The following SEMA4G variants were observed in gnomAD, a reference collection of about 807,000 sequenced individuals.
The protein encoded by SEMA4G is semaphorin-4G.
A neutral mutation model predicts 81.2 loss-of-function variants in SEMA4G; 59 were observed. The ratio of observed to expected loss-of-function variants is 0.73; its 90% confidence interval spans 0.59 to 0.90. SEMA4G has a LOEUF of 0.90. Among genes scored for constraint, SEMA4G ranks in the 40% least tolerant of loss-of-function variants. The pLI is 0.00. For synonymous variants in SEMA4G, 404 were observed against 433.9 expected (o/e 0.93, Z 0.86); for missense variants, 952 against 1,102.3 (o/e 0.86, Z 1.93).
At position 100,981,202 on chromosome 10, in the gene SEMA4G, C is replaced by T. The variant is rs1851053925; in HGVS notation, c.1663C>T (p.Arg555Ter). 2 of 1,614,080 alleles carry T rather than the reference C, an allele frequency of 1.2e-6. No homozygotes were observed. The highest frequency in any genetic ancestry group is 1.3e-5 in the African/African-American group (1 of 74,938). Residue 555 changes from arginine to a stop codon, truncating the protein, a stop_gained, in exon 13 of 14, where the codon CGA becomes TGA. Transcript: ENST00000370250. LOFTEE classifies it high-confidence loss of function. ...GATACAGGACATAGAGAGAGGAAAT[C>T]GAGGCTGTGAGAGCAGCAGGGATAC...
At chr10:100,983,702 C>G in exon 14 of SEMA4G, 1 of 1,613,476 alleles carries the variant, frequency 6.2e-7, no homozygotes, top group Non-Finnish European at 8.5e-7. Context: ...CCTCCCTCCT[C>G]TATGTGGCCT....
rs371117716 is a variant in SEMA4G at position 100,973,500 on chromosome 10, T to C, written c.274-47T>C. 9.0e-5 allele frequency: 143 copies of C among 1,584,086 alleles called. No homozygotes were observed. Among genetic ancestry groups the C allele is most frequent in the Non-Finnish European group, 1.2e-4 (136 of 1,153,774 alleles). The stretch of plus-strand genomic sequence containing the variant: ...TCCTATTGCCTGGTCCTATGAGTAA[T>C]AGGTATTGGGGTCAGTGCATCAGCC... On this transcript the variant is annotated intron_variant, in intron 2 of 13. Coordinates refer to ENST00000370250, the Ensembl canonical transcript of SEMA4G. This position sits in a 1 kb window ranked among gnomAD's most constrained non-coding sequence, Gnocchi z 5.5.
upstream of SEMA4G, chr10:100,969,623 T>C (rs990380659): frequency 2.3e-5 from 7 of 308,588 alleles, no homozygotes; most frequent in South Asian, 1.4e-4. Context: ...GGCGGCGCCC[T>C]GGCGTGAGCC....
At chr10:100,979,457 A>G in intron 8 of SEMA4G, 186 bp downstream of exon 9, 2 of 1,450,290 alleles carry the variant, frequency 1.4e-6, no homozygotes, top group Admixed American at 4.6e-5. Flanking sequence ...ATCTCGGCTC[A>G]CTGCAATCTC....
chr10:100,979,827 T>A lies in SEMA4G; in HGVS notation c.984-21T>A. ...CTTGACTCCATGTAACTCACCCCCC[T>A]TGCCCTATGTCCCATTCTAGGAAGA... On this transcript the variant is annotated intron_variant, in intron 8 of 13. Coordinates refer to ENST00000370250, the Ensembl canonical transcript of SEMA4G. 5 of 1,611,884 alleles carry A rather than the reference T, an allele frequency of 3.1e-6. No individual in the cohort carries two copies. The African/African-American group carries it at 4.0e-5, about 13-fold the overall frequency.
At chr10:100,977,024 A>C (rs771133965) in intron 3 of SEMA4G, among the ~76,000 whole-genome samples, 5 of 152,110 alleles carry the variant, frequency 3.3e-5, no homozygotes, top group Admixed American at 6.5e-5. Flanking sequence ...GAGGGACTGA[A>C]TGTGGGGGTG....
exon 14 of SEMA4G, chr10:100,983,884 T>C: frequency 1.3e-6 from 2 of 1,550,276 alleles, no homozygotes; most frequent in Non-Finnish European, 1.7e-6. Flanking sequence ...CTCCAGATCA[T>C]CCCTGGGGAG....
At chr10:100,983,453 C>T (rs148516703) in exon 14 of SEMA4G, 17 of 1,613,928 alleles carry the variant, frequency 1.1e-5, no homozygotes, top group African/African-American at 2.7e-5. Context: ...ACCGTGTGGG[C>T]GTGGACGGGC....
At chr10:100,978,422 T>C in intron 5 of SEMA4G, 34 bp downstream of exon 6, 1 of 1,606,712 alleles carries the variant, frequency 6.2e-7, no homozygotes, top group Non-Finnish European at 8.5e-7. Context: ...ACAGACATGG[T>C]ATTTTTAGGA....
rs1384733681 is a variant in SEMA4G, at chr10:100,973,217, A to G, written c.213A>G (p.Gly71=). The stretch of plus-strand genomic sequence containing the variant: ...AGGCCTCAGCAAGGCTGCTGGTGGG[A>G]GCCCGAGGTGCCCTGTTCTCTCTCA... Residue 71 remains glycine, a synonymous_variant, in exon 2 of 14, where the codon GGA becomes GGG. Coordinates refer to ENST00000370250, the Ensembl canonical transcript of SEMA4G. The surrounding 1 kb of genome is among the most constrained non-coding windows in gnomAD (Gnocchi z 5.5). 1.9e-6 allele frequency: 3 copies of G among 1,613,288 alleles called. No individual in the cohort carries two copies. The highest frequency in any genetic ancestry group is 2.5e-6 in the Non-Finnish European group (3 of 1,179,970).
intron 8 of SEMA4G, 51 bp from the exon 10 acceptor site, chr10:100,979,797 G>A: frequency 1.2e-6 from 2 of 1,601,086 alleles, no homozygotes; most frequent in Non-Finnish European, 1.7e-6. Flanking sequence ...GAGTTGGGGG[G>A]CAGGCTTGAC....
intron 8 of SEMA4G, 117 bp downstream of exon 9, chr10:100,979,388 T>TC (rs1252842781): frequency 8.7e-7 from 1 of 1,145,724 alleles, no homozygotes; most frequent in East Asian, 3.0e-5. Flanking sequence ...AAGTGAGAAT[T>TC]TTTTTTTTTT....
chr10:100,978,547 A>C, exon 6 of SEMA4G: 1 of 1,614,120 alleles, frequency 6.2e-7, no homozygotes, highest in Non-Finnish European at 8.5e-7. Context: ...CTACACAGCC[A>C]CTAGGTATGA....
chr10:100,977,911 A>G (rs976486842), intron 4 of SEMA4G, 181 bp downstream of exon 5: 1 of 601,586 alleles, frequency 1.7e-6, no homozygotes, highest in African/African-American at 1.9e-5. Flanking sequence ...CTTTGTAAAA[A>G]CCATGCAGTT....
chr10:100,976,015 G>A (rs1256064784), intron 3 of SEMA4G, among the ~76,000 whole-genome samples: 1 of 152,204 alleles, frequency 6.6e-6, no homozygotes, highest in Non-Finnish European at 1.5e-5. Flanking sequence ...GGCAGGAAAA[G>A]CAGTGAGGAG....
At chr10:100,976,500 A>C (rs1850793054) in intron 3 of SEMA4G, among the ~76,000 whole-genome samples, 1 of 152,102 alleles carries the variant, frequency 6.6e-6, no homozygotes, top group Non-Finnish European at 1.5e-5. Context: ...GGTGCATGCC[A>C]CCACATAGAG....
chr10:100,984,451 G>T, exon 14 of SEMA4G: 2 of 1,514,992 alleles, frequency 1.3e-6, no homozygotes, highest in South Asian at 1.2e-5. Flanking sequence ...CCATCCTCCT[G>T]TTCCATTCAT....
Position 100,983,885 on chromosome 10 carries a change from C to A in SEMA4G, c.2271C>A (p.Ile757=), listed in dbSNP as rs1011010207. 7 of 1,549,354 alleles carry A rather than the reference C, an allele frequency of 4.5e-6. No individual in the cohort carries two copies. In the African/African-American group the frequency reaches 9.5e-5, roughly 21 times the overall value. ...TGGAGGGCAGCTGTCTCCAGATCAT[C>A]CCTGGGGAGGGAGCCCCAGCCCCAC... The change falls in exon 14 of 14, where the codon ATC becomes ATA. Residue 757 remains isoleucine, a synonymous_variant. Transcript: ENST00000370250.
Position 100,973,078 on chromosome 10 carries a change from G to A in SEMA4G, c.124+42G>A. The A allele has an allele frequency of 6.8e-6, 11 of 1,614,140 alleles. No homozygotes were observed. The highest frequency in any genetic ancestry group is 9.3e-6 in the Non-Finnish European group (11 of 1,180,030). ...CAAAAGGCAGCAGAAGCCAGGGCTG[G>A]GGGTGGGGAGGCACCCCAGAACTAG... is the stretch of plus-strand genomic sequence containing the variant. On this transcript the variant is annotated intron_variant, in intron 1 of 13. Transcript: ENST00000370250. The surrounding 1 kb of genome is among the most constrained non-coding windows in gnomAD (Gnocchi z 5.5).
Sources: allele counts gnomAD v4.1 joint callset (sites outside exome capture counted in the v4.1 genomes callset), GRCh38; gene constraint gnomAD v4.1.1; non-coding constraint Gnocchi (gnomAD v3.1); transcripts MANE v1.5; gene names NCBI Gene and HGNC (gene_info 2026-07-23, HGNC 2026-07-21).